The following GAREM1 variants were observed in gnomAD, a reference collection of about 807,000 sequenced individuals.
GAREM1 encodes the protein GRB2-associated and regulator of MAPK protein 1.
GAREM1 carries 26 observed loss-of-function variants against 71.3 expected under a neutral mutation model. The ratio of observed to expected loss-of-function variants is 0.36; its 90% CI spans 0.27 to 0.51. GAREM1 has a LOEUF of 0.51. Among genes scored for constraint, GAREM1 ranks in the 20% least tolerant of loss-of-function variants. GAREM1 has a pLI of 0.95. For missense variants in GAREM1, 1,026 were observed against 1,103.1 expected (o/e 0.93, Z 0.99); for synonymous variants, 440 against 433.2 (o/e 1.02, Z -0.20).
rs151156001 is a variant in GAREM1 at position 32,316,242 on chromosome 18, A to G, written c.263-5919T>C. On this transcript the variant is annotated intron_variant, in intron 2 of 5. Coordinates refer to ENST00000269209, the MANE Select transcript of GAREM1 (RefSeq NM_001242409.2). Reference sequence around the variant, plus strand: ...ATGGCCAAATGCTACAACTGTTAACATTTATGCACATAGTATATCAGATTA... The same window carrying G: ...ATGGCCAAATGCTACAACTGTTAACGTTTATGCACATAGTATATCAGATTA... 9.4e-4 allele frequency among the ~76,000 whole-genome samples: 143 copies of G among 152,338 alleles called. 1 individual carries two copies. Among genetic ancestry groups the G allele is most frequent in the Middle Eastern group, 3.4e-3 (1 of 294 alleles).
intron 1 of GAREM1, among the ~76,000 whole-genome samples, chr18:32,448,953 T>C (rs1297216401): frequency 1.3e-5 from 2 of 152,208 alleles, no homozygotes; most frequent in Non-Finnish European, 2.9e-5. Flanking sequence ...CTTACAGTGG[T>C]TCAACTTTCA....
intron 2 of GAREM1, among the ~76,000 whole-genome samples, chr18:32,380,689 GGATGT>G (rs2048087945): frequency 6.6e-6 from 1 of 152,058 alleles, no homozygotes; most frequent in African/African-American, 2.4e-5. Context: ...GTGCAGTGCA[GGATGT>G]TCAGCAACTT....
At chr18:32,446,743 C>T (rs545625864) in intron 1 of GAREM1, among the ~76,000 whole-genome samples, 1 of 152,268 alleles carries the variant, frequency 6.6e-6, no homozygotes, top group South Asian at 2.1e-4. Flanking sequence ...ATGAGGCTTC[C>T]TGAGCTGATT....
At chr18:32,285,937 A>C (rs2047012504) in intron 4 of GAREM1, among the ~76,000 whole-genome samples, 1 of 151,980 alleles carries the variant, frequency 6.6e-6, no homozygotes, top group Non-Finnish European at 1.5e-5. Context: ...CCCAAGGAAG[A>C]CCCCTTCCCC....
At chr18:32,300,175 C>T (rs1026112790) in intron 3 of GAREM1, among the ~76,000 whole-genome samples, 1 of 152,170 alleles carries the variant, frequency 6.6e-6, no homozygotes, top group Non-Finnish European at 1.5e-5. Flanking sequence ...GCTAGAACTA[C>T]TCATGCCCTA....
intron 2 of GAREM1, among the ~76,000 whole-genome samples, chr18:32,375,400 A>C (rs1029964334): frequency 1.3e-5 from 2 of 152,164 alleles, no homozygotes; most frequent in African/African-American, 4.8e-5. Context: ...TCCCAGAGCA[A>C]AAAGGTTTCT....
chr18:32,270,904 T>TC (rs1232711638), intron 4 of GAREM1, among the ~76,000 whole-genome samples: 1 of 141,572 alleles, frequency 7.1e-6, no homozygotes, highest in African/African-American at 2.6e-5. Context: ...GATGTTTTTT[T>TC]TTTTTTTTTT....
chr18:32,431,405 G>A (rs1034197149), intron 1 of GAREM1, among the ~76,000 whole-genome samples: 14 of 152,120 alleles, frequency 9.2e-5, no homozygotes, highest in East Asian at 1.9e-4. Context: ...CGAGGCAGGC[G>A]GATCACGAGG....
intron 1 of GAREM1, among the ~76,000 whole-genome samples, chr18:32,443,842 G>C (rs770365735): frequency 6.6e-6 from 1 of 152,192 alleles, no homozygotes; most frequent in East Asian, 1.9e-4. Context: ...AGCAATATTC[G>C]TAACAGCCCA....
At chr18:32,301,597 C>T (rs1357688563) in intron 3 of GAREM1, among the ~76,000 whole-genome samples, 1 of 152,216 alleles carries the variant, frequency 6.6e-6, no homozygotes, top group Non-Finnish European at 1.5e-5. Context: ...TCACCAGCCT[C>T]AGCCAATCAG....
At chr18:32,304,088 C>G in intron 3 of GAREM1, among the ~76,000 whole-genome samples, 1 of 151,794 alleles carries the variant, frequency 6.6e-6, no homozygotes, top group East Asian at 2.0e-4. Flanking sequence ...GGGTGGATCA[C>G]TTGAGGTCAG....
At chr18:32,290,441 T>C (rs1161513173) in intron 3 of GAREM1, 1 of 151,888 alleles carries the variant, frequency 6.6e-6, no homozygotes, top group Non-Finnish European at 1.5e-5. Context: ...AGTAAGGACC[T>C]GAGACCATCC....
In GAREM1 at chr18:32,332,987, AT is replaced by A. The variant is rs200609234; in HGVS notation, c.263-22665del. The stretch of plus-strand genomic sequence containing the variant: ...GAGAGGAGGGTGCCGTTAGGGGAGA[AT>A]TTTTTTTTTTTCTTTAGAGAAGCTG... On this transcript the variant is annotated intron_variant, in intron 2 of 5. Transcript: ENST00000269209. 2.1e-3 allele frequency among the ~76,000 whole-genome samples: 313 copies of A among 147,688 alleles called. 1 individual carries two copies. Among genetic ancestry groups the A allele is most frequent in the Admixed American group, 7.4e-3 (110 of 14,806 alleles).
Position 32,287,377 on chromosome 18 carries a change from C to T in GAREM1, c.1220G>A (p.Arg407Lys). ...GNSEVNLHGC[R>K]DLGGDWAPFP... ...GGGAGCCCAATCTCCCCCCAGGTCC[C>T]TGCAACCATGAAGGTTCACCTCACT... Residue 407 changes from arginine (R) to lysine (K), a missense_variant, in exon 4 of 6, where the codon AGG (arginine) becomes AAG (lysine). Physicochemically the swap from Arg to Lys is conservative, Grantham distance 26. This residue lies in a region of GAREM1 where 636 missense variants were observed against 631.2 expected (regional missense o/e 1.01). Coordinates refer to ENST00000269209, the MANE Select transcript of GAREM1 (RefSeq NM_001242409.2). This position sits in a 1 kb window ranked among gnomAD's most constrained non-coding sequence, Gnocchi z 5.9. 6.2e-7 allele frequency: 1 copy of T among 1,614,244 alleles called. No homozygotes were observed. Among genetic ancestry groups the T allele is most frequent in the Non-Finnish European group, 8.5e-7 (1 of 1,180,042 alleles).
intron 2 of GAREM1, among the ~76,000 whole-genome samples, chr18:32,378,057 T>TGTGCGC (rs1293817110): frequency 1.2e-4 from 15 of 127,622 alleles, no homozygotes; most frequent in East Asian, 7.0e-4. Context: ...TGTGTGTGTG[T>TGTGCGC]GCGCGCGGGC....
At chr18:32,375,445 C>A (rs1185091002) in intron 2 of GAREM1, among the ~76,000 whole-genome samples, 1 of 151,924 alleles carries the variant, frequency 6.6e-6, no homozygotes, top group African/African-American at 2.4e-5. Context: ...GACCTTCATA[C>A]CTTATTCATT....
Position 32,267,693 on chromosome 18 carries a change from A to G in GAREM1, c.*178T>C. 1 of 583,244 alleles carries G rather than the reference A, an allele frequency of 1.7e-6. No homozygotes were observed. The highest frequency in any genetic ancestry group is 3.0e-6 in the Non-Finnish European group (1 of 330,504). The allele number at this position is 583,244 out of a possible 1,614,324, so 36.1% of individuals were successfully genotyped here. On this transcript the variant is annotated 3_prime_UTR_variant, in exon 6 of 6. Transcript: ENST00000269209. Reference sequence around the variant, plus strand: ...TCCAAGTGTTCTGTACAGCATTTTTATTGATGTACAAAATAGCCTGTTCAC... The same window carrying G: ...TCCAAGTGTTCTGTACAGCATTTTTGTTGATGTACAAAATAGCCTGTTCAC...
chr18:32,297,932 A>G (rs2047159576), intron 3 of GAREM1, among the ~76,000 whole-genome samples: 1 of 152,206 alleles, frequency 6.6e-6, no homozygotes, highest in Non-Finnish European at 1.5e-5. Context: ...ATTTATCTTT[A>G]TAAACATACA....
chr18:32,463,587 T>G (rs957583414), intron 1 of GAREM1, among the ~76,000 whole-genome samples: 2 of 130,552 alleles, frequency 1.5e-5, no homozygotes, highest in Non-Finnish European at 3.2e-5. Flanking sequence ...TTTTTTTTTT[T>G]GAGACGGAGT....
Sources: allele counts gnomAD v4.1 joint callset (sites outside exome capture counted in the v4.1 genomes callset), GRCh38; gene constraint gnomAD v4.1.1; regional missense constraint gnomAD v4.1.1; non-coding constraint Gnocchi (gnomAD v3.1); transcripts MANE v1.5; gene names NCBI Gene and HGNC (gene_info 2026-07-23, HGNC 2026-07-21).